FN1: variants seen among roughly 807,000 people sequenced by gnomAD.
The protein encoded by FN1 is fibronectin.
In FN1, 106 loss-of-function variants were observed where a neutral mutation model predicts 297.3. The observed-to-expected ratio is 0.36, with a 90% confidence interval of 0.30 to 0.42. The LOEUF is 0.42. FN1 is among the 10% of genes least tolerant of loss of function. The pLI, the probability that FN1 is intolerant of heterozygous loss-of-function variation, is 1.00. For missense variants in FN1, 2,690 were observed against 3,124.9 expected (o/e 0.86, Z 3.32); for synonymous variants, 1,149 against 1,152.6 (o/e 1.00, Z 0.06).
intron 23 of FN1, 74 bp downstream of exon 23, chr2:215,397,063 G>A (rs2060381469): frequency 1.0e-6 from 1 of 981,970 alleles, no homozygotes; most frequent in Non-Finnish European, 1.7e-6. Context: ...TTCTCTGAAA[G>A]AAACACAGTT....
In FN1 at chr2:215,370,276, T is replaced by C. The variant is rs758735728; in HGVS notation, c.6853+18A>G. 3 of 1,613,582 alleles carry C rather than the reference T, an allele frequency of 1.9e-6. No homozygotes were observed. The highest frequency in any genetic ancestry group is 1.1e-5 in the South Asian group (1 of 91,058). On this transcript the variant is annotated intron_variant, in intron 41 of 45. Transcript: ENST00000354785. The stretch of plus-strand genomic sequence containing the variant: ...CAGCAGAGGGGAGCCTGTGTCTAAA[T>C]AGTACGTGTTTACATACCAGAGTTG...
intron 38 of FN1, among the ~76,000 whole-genome samples, chr2:215,374,878 G>T (rs2056975941): frequency 6.6e-6 from 1 of 152,192 alleles, no homozygotes; most frequent in African/African-American, 2.4e-5. Flanking sequence ...TCTATAGAGA[G>T]CTGAGTGTAA....
intron 21 of FN1, among the ~76,000 whole-genome samples, chr2:215,398,756 G>C (rs1234138857): frequency 6.6e-6 from 1 of 152,194 alleles, no homozygotes; most frequent in African/African-American, 2.4e-5. Flanking sequence ...GATGAATCCA[G>C]ATATCCACAG....
In FN1 at chr2:215,380,993, G is replaced by C; in HGVS notation, c.5252C>G (p.Ser1751Cys). The C allele has an allele frequency of 6.2e-7, 1 of 1,614,228 alleles. No homozygotes were observed. The highest frequency in any genetic ancestry group is 8.5e-7 in the Non-Finnish European group (1 of 1,180,034). The part of the protein sequence containing the change: ...IAWESPQGQV[S>C]RYRVTYSSPE... ...GCTCGAGTAGGTCACCCTGTACCTG[G>C]AAACTTGCCCCTGTGGGCTTTCCCA... Residue 1751 changes from serine (S) to cysteine (C), a missense_variant, in exon 33 of 46, where the codon TCC becomes TGC. Coordinates refer to ENST00000354785, the MANE Select transcript of FN1 (RefSeq NM_212482.4).
chr2:215,419,953 A>G (rs1231480030), intron 11 of FN1, among the ~76,000 whole-genome samples: 1 of 152,214 alleles, frequency 6.6e-6, no homozygotes, highest in Non-Finnish European at 1.5e-5. Flanking sequence ...CTCTTTTGGT[A>G]AAGAAATAGT....
At position 215,380,889 on chromosome 2, in the gene FN1, C is replaced by G; in HGVS notation, c.5356G>C (p.Gly1786Arg). Residue 1786 changes from glycine to arginine, a missense_variant, in exon 33 of 46, where the codon GGT (glycine) becomes CGT (arginine). By Grantham distance (125) the Gly-to-Arg change is moderately radical. Transcript: ENST00000354785. ...DTAELQGLRPGSEYTVSVVAL... is the reference protein window; with the variant it reads ...DTAELQGLRPRSEYTVSVVAL... The stretch of plus-strand genomic sequence containing the variant: ...ACCACACTGACTGTGTACTCAGAAC[C>G]CGGTCTGAGGCCTTGCAGCTCTGCA... The G allele has an allele frequency of 6.2e-7, 1 of 1,614,154 alleles. No homozygotes were observed. Among genetic ancestry groups the G allele is most frequent in the Non-Finnish European group, 8.5e-7 (1 of 1,180,016 alleles).
rs746455929 is a variant in FN1 at position 215,422,147 on chromosome 2, G to A, written c.1490C>T (p.Thr497Met). The change falls in exon 10 of 46, where the codon ACG becomes ATG. Residue 497 changes from threonine to methionine, a missense_variant. Coordinates refer to ENST00000354785, the MANE Select transcript of FN1 (RefSeq NM_212482.4). ...TTCCCCACGACCATTCCCAACACAC[G>A]TGCACCTCATCATGTGACCCATGTC... ...QHDMGHMMRC[T>M]CVGNGRGEWT... 2.5e-6 allele frequency: 4 copies of A among 1,614,050 alleles called. No homozygotes were observed. Among genetic ancestry groups the A allele is most frequent in the South Asian group, 2.2e-5 (2 of 91,070 alleles).
chr2:215,372,460 CAAT>C (rs751400268), intron 39 of FN1, 85 bp from the exon 40 acceptor site: 2 of 978,236 alleles, frequency 2.0e-6, no homozygotes, highest in Non-Finnish European at 3.3e-6. Flanking sequence ...ATTCAGGCAA[CAAT>C]GACTGTTCAT....
intron 6 of FN1, among the ~76,000 whole-genome samples, chr2:215,426,499 C>T (rs1341896185): frequency 6.6e-6 from 1 of 152,038 alleles, no homozygotes. Context: ...CCAGGGCCCA[C>T]CGCAGAACAG....
intron 24 of FN1, chr2:215,393,537 C>G (rs1195392081): frequency 6.5e-6 from 1 of 153,364 alleles, no homozygotes; most frequent in Non-Finnish European, 1.4e-5. Context: ...CAAAACCATT[C>G]TTAGAGCCTA....
In FN1 at chr2:215,404,585, T is replaced by G. The variant is rs2061533836; in HGVS notation, c.3057A>C (p.Pro1019=). ...GGTATCCTGTTATCTGGGCCCGAGG[T>G]GGAGTCCATCTCACCAGGACAGTAG... ...TDSTVLVRWT[P]PRAQITGYRL... is the part of the protein sequence containing the mutation. The change falls in exon 20 of 46, where the codon CCA becomes CCC. Residue 1019 remains proline (P), a synonymous_variant. Coordinates refer to ENST00000354785, the MANE Select transcript of FN1 (RefSeq NM_212482.4). The G allele has an allele frequency of 3.1e-6, 5 of 1,614,060 alleles. No homozygotes were observed. The highest frequency in any genetic ancestry group is 1.3e-5 in the African/African-American group (1 of 75,026).
intron 6 of FN1, among the ~76,000 whole-genome samples, chr2:215,426,036 C>T (rs2065279632): frequency 6.6e-6 from 1 of 152,112 alleles, no homozygotes; most frequent in African/African-American, 2.4e-5. Context: ...TATTTCTCCT[C>T]TGGATTATTT....
At chr2:215,408,085 A>G (rs374554834) in intron 17 of FN1, 23 bp downstream of exon 17, 2 of 1,592,056 alleles carry the variant, frequency 1.3e-6, no homozygotes, top group Non-Finnish European at 1.7e-6. Flanking sequence ...CATAGCAGCC[A>G]AAGAGGGGGA....
rs1409957278 is a variant in FN1 at position 215,384,094 on chromosome 2, A to G, written c.4820T>C (p.Ile1607Thr). ...SGLKPGVDYT[I>T]TVYAVTGRGD... ...ACGGCCAGTGACAGCATACACAGTG[A>G]TGGTATAATCAACTCCAGGTTTAAG... Residue 1607 changes from isoleucine (I) to threonine (T), a missense_variant, in exon 30 of 46, where the codon ATC becomes ACC. Transcript: ENST00000354785. 1 of 1,614,120 alleles carries G rather than the reference A, an allele frequency of 6.2e-7. No individual in the cohort carries two copies. Among genetic ancestry groups the G allele is most frequent in the East Asian group, 2.2e-5 (1 of 44,874 alleles).
intron 41 of FN1, among the ~76,000 whole-genome samples, chr2:215,369,531 G>A (rs1399952025): frequency 6.6e-6 from 1 of 152,176 alleles, no homozygotes; most frequent in African/African-American, 2.4e-5. Context: ...ACTCTCTGTT[G>A]GTGTGGAGTA....
chr2:215,406,327 C>A lies in FN1; in HGVS notation c.2897G>T (p.Gly966Val). ...GTAATAGGTGACCCCAGGGGACAGC[C>A]CGGTGACTTCTGCAAAGGTGTTCCT... is the stretch of plus-strand genomic sequence containing the variant. The part of the protein sequence containing the change: ...ISRNTFAEVT[G>V]LSPGVTYYFK... The change falls in exon 19 of 46, where the codon GGG (glycine) becomes GTG (valine). Residue 966 changes from glycine (G) to valine (V), a missense_variant. Gly to Val is a moderately radical substitution (Grantham distance 109, BLOSUM62 -3). Around this residue, in one of 3 missense-constraint regions of FN1, gnomAD observed 1,743 missense variants for 1,945.2 expected, o/e 0.90. Transcript: ENST00000354785. 1 of 1,614,180 alleles carries A rather than the reference C, an allele frequency of 6.2e-7. No homozygotes were observed. The highest frequency in any genetic ancestry group is 8.5e-7 in the Non-Finnish European group (1 of 1,180,036).
chr2:215,415,214 A>T (rs905113811), intron 12 of FN1, among the ~76,000 whole-genome samples: 14 of 136,314 alleles, frequency 1.0e-4, no homozygotes, highest in African/African-American at 3.3e-4. Context: ...TATATTTTTA[A>T]AAAAAAGTCT....
At chr2:215,364,682 TAGAA>T (rs1434471184) in intron 44 of FN1, 193 bp downstream of exon 44, 8 of 616,050 alleles carry the variant, frequency 1.3e-5, no homozygotes, top group Admixed American at 5.1e-5. Context: ...CTAAGAGTAA[TAGAA>T]AGAATGAATG....
intron 25 of FN1, chr2:215,392,546 G>A (rs575303939): frequency 9.5e-5 from 28 of 294,590 alleles, no homozygotes; most frequent in South Asian, 8.7e-4. Flanking sequence ...GGAAGATCAT[G>A]ATGGTACATT....
Sources: allele counts gnomAD v4.1 joint callset (sites outside exome capture counted in the v4.1 genomes callset), GRCh38; gene constraint gnomAD v4.1.1; regional missense constraint gnomAD v4.1.1; transcripts MANE v1.5; gene names NCBI Gene and HGNC (gene_info 2026-07-23, HGNC 2026-07-21).